PHYHIPL: variants seen among roughly 807,000 people sequenced by gnomAD.
The protein encoded by PHYHIPL is phytanoyl-CoA 2-hydroxylase interacting protein like.
In PHYHIPL, 9 loss-of-function variants were observed where a neutral mutation model predicts 33.4. The ratio of observed to expected loss-of-function variants is 0.27; its 90% confidence interval spans 0.16 to 0.47. PHYHIPL has a LOEUF of 0.47. Ranked by LOEUF, PHYHIPL falls within the 20% of genes least tolerant of loss-of-function variation. The pLI is 0.99. For synonymous variants in PHYHIPL, 153 were observed against 154.1 expected (o/e 0.99, Z 0.05); for missense variants, 365 against 460.7 (o/e 0.79, Z 1.90).
intron 1 of PHYHIPL, among the ~76,000 whole-genome samples, chr10:59,215,717 T>C (rs780035775): frequency 8.6e-5 from 13 of 151,886 alleles, no homozygotes; most frequent in Non-Finnish European, 1.5e-4. Context: ...CTAAAATATG[T>C]GAATATTCTA....
At chr10:59,219,207 A>G (rs887071162) in intron 1 of PHYHIPL, 2 of 914,056 alleles carry the variant, frequency 2.2e-6, no homozygotes, top group Non-Finnish European at 2.6e-6. Context: ...ATTCATAAAA[A>G]TAAGAAAGTG....
At chr10:59,218,654 A>G (rs1171790765) in intron 1 of PHYHIPL, among the ~76,000 whole-genome samples, 1 of 152,128 alleles carries the variant, frequency 6.6e-6, no homozygotes, top group Non-Finnish European at 1.5e-5. Flanking sequence ...CTGGATTCAT[A>G]TATTCATTTA....
In PHYHIPL at chr10:59,245,757, G is replaced by T; in HGVS notation, c.*166G>T. ...AAATTTCATTCAGAACCATTTTAGT[G>T]TTTTCCTATTCCCTACCCCTCCCAC... On this transcript the variant is annotated 3_prime_UTR_variant, in exon 5 of 5. Transcript: ENST00000373880. 1.4e-6 allele frequency: 1 copy of T among 704,320 alleles called. No homozygotes were observed. Among genetic ancestry groups the T allele is most frequent in the Non-Finnish European group, 2.3e-6 (1 of 444,238 alleles). The allele number at this position is 704,320 out of a possible 1,614,324, so 43.6% of individuals were successfully genotyped here.
intron 1 of PHYHIPL, among the ~76,000 whole-genome samples, chr10:59,200,289 G>A (rs1356621388): frequency 2.6e-5 from 4 of 152,054 alleles, no homozygotes; most frequent in South Asian, 4.1e-4. Flanking sequence ...TTTGTCAAAG[G>A]CCTTTTCTGC....
chr10:59,226,863 A>C (rs921151016), intron 1 of PHYHIPL, among the ~76,000 whole-genome samples: 1 of 152,186 alleles, frequency 6.6e-6, no homozygotes, highest in African/African-American at 2.4e-5. Flanking sequence ...TACCGTCCAT[A>C]TAGTGAAAGA....
chr10:59,236,269 A>G (rs1362060352), intron 2 of PHYHIPL, among the ~76,000 whole-genome samples: 1 of 151,870 alleles, frequency 6.6e-6, no homozygotes, highest in Admixed American at 6.6e-5. Flanking sequence ...CAGGAACTTA[A>G]TAAGTTATTC....
Position 59,247,562 on chromosome 10 carries a change from ATAAACT to A in PHYHIPL, c.*1973_*1978del. 1.6e-5 allele frequency: 25 copies of A among 1,609,788 alleles called. No individual in the cohort carries two copies. The highest frequency in any genetic ancestry group is 2.1e-5 in the Non-Finnish European group (25 of 1,178,246). On this transcript the variant is annotated 3_prime_UTR_variant, in exon 5 of 5. Transcript: ENST00000373880. ...TACTTAGCAAGGATGGCAGAGGAAAATAAACTTTACTTTATATCATGGGTGAAAGTG... is the reference window on the plus strand; with the variant it reads ...TACTTAGCAAGGATGGCAGAGGAAAATTACTTTATATCATGGGTGAAAGTG...
chr10:59,185,585 T>G (rs2133187978), intron 1 of PHYHIPL, among the ~76,000 whole-genome samples: 1 of 152,286 alleles, frequency 6.6e-6, no homozygotes, highest in Middle Eastern at 3.4e-3. Context: ...CCAGCAACAG[T>G]GTAAAAGTGT....
chr10:59,223,752 C>T (rs1022859071), intron 1 of PHYHIPL, among the ~76,000 whole-genome samples: 2 of 152,130 alleles, frequency 1.3e-5, no homozygotes, highest in Admixed American at 6.5e-5. Context: ...TTGACCTCCC[C>T]CGGGTCAGGT....
Position 59,246,380 on chromosome 10 carries a change from G to C in PHYHIPL, c.*789G>C, listed in dbSNP as rs1840711144. Reference sequence around the variant, plus strand: ...TTATAAAATATTAGGTAAATACAGAGAAAACAATAAGCCTCTGAAATAAGT... The same window carrying C: ...TTATAAAATATTAGGTAAATACAGACAAAACAATAAGCCTCTGAAATAAGT... On this transcript the variant is annotated 3_prime_UTR_variant, in exon 5 of 5. Coordinates refer to ENST00000373880, the MANE Select transcript of PHYHIPL (RefSeq NM_032439.4). 1 of 296,124 alleles carries C rather than the reference G, an allele frequency of 3.4e-6. No homozygotes were observed. Among genetic ancestry groups the C allele is most frequent in the Admixed American group, 5.0e-5 (1 of 19,804 alleles). 18.3% of individuals were successfully genotyped at this position (296,124 alleles called of 1,614,324 possible).
At chr10:59,191,008 G>C (rs1483932754) in intron 1 of PHYHIPL, among the ~76,000 whole-genome samples, 1 of 151,744 alleles carries the variant, frequency 6.6e-6, no homozygotes, top group African/African-American at 2.4e-5. Flanking sequence ...ACTTTTACAG[G>C]AGCTACCATT....
chr10:59,204,910 G>A (rs960318990), intron 1 of PHYHIPL, among the ~76,000 whole-genome samples: 7 of 147,636 alleles, frequency 4.7e-5, no homozygotes, highest in African/African-American at 1.8e-4. Flanking sequence ...TATTGCTCTG[G>A]CTGGAGTGCA....
At chr10:59,192,666 T>G (rs987342911) in intron 1 of PHYHIPL, among the ~76,000 whole-genome samples, 1 of 152,092 alleles carries the variant, frequency 6.6e-6, no homozygotes, top group African/African-American at 2.4e-5. Context: ...ACAAGATAGA[T>G]AAAAATTAGG....
chr10:59,195,408 GTTAGGT>G (rs1838885837), intron 1 of PHYHIPL, among the ~76,000 whole-genome samples: 1 of 152,164 alleles, frequency 6.6e-6, no homozygotes, highest in Non-Finnish European at 1.5e-5. Context: ...ATTTTTTAAT[GTTAGGT>G]TTGATGAAGA....
chr10:59,234,587 T>A (rs1840170029), intron 2 of PHYHIPL, 87 bp downstream of exon 2: 2 of 901,648 alleles, frequency 2.2e-6, no homozygotes, highest in Non-Finnish European at 3.2e-6. Flanking sequence ...AATATTCTAT[T>A]AATGGCTTAT....
chr10:59,245,715 A>G lies in PHYHIPL; in HGVS notation c.*124A>G. 1 of 1,066,336 alleles carries G rather than the reference A, an allele frequency of 9.4e-7. No individual in the cohort carries two copies. The highest frequency in any genetic ancestry group is 1.3e-6 in the Non-Finnish European group (1 of 752,512). 66.1% of individuals were successfully genotyped at this position (1,066,336 alleles called of 1,614,324 possible). On this transcript the variant is annotated 3_prime_UTR_variant, in exon 5 of 5. Coordinates refer to ENST00000373880, the MANE Select transcript of PHYHIPL (RefSeq NM_032439.4). ...TGCACATGCCACTGTCACCAAAACA[A>G]ACAACTACCACTTTCCAAATTTCAT...
At chr10:59,236,831 T>C (rs1405690531) in intron 3 of PHYHIPL, among the ~76,000 whole-genome samples, 174 bp downstream of exon 3, 2 of 151,970 alleles carry the variant, frequency 1.3e-5, no homozygotes, top group Non-Finnish European at 2.9e-5. Context: ...TGGAGGAAGC[T>C]GAAGTTCTCA....
At chr10:59,176,544 GC>G (rs1423237390), upstream of PHYHIPL, 6 of 49,206 alleles carry the variant, frequency 1.2e-4, no homozygotes, top group East Asian at 1.4e-3. Context: ...GCGCGTGCGC[GC>G]GTCGAAGCCC....
intron 1 of PHYHIPL, among the ~76,000 whole-genome samples, chr10:59,201,515 TGAG>T (rs1030356396): frequency 6.6e-6 from 1 of 152,194 alleles, no homozygotes; most frequent in African/African-American, 2.4e-5. Context: ...GATGTGGTGC[TGAG>T]AAGAATGTAT....
Sources: gnomAD v4.1 joint callset for allele counts (sites outside exome capture counted in the v4.1 genomes callset) on GRCh38, gnomAD v4.1.1 for gene constraint, MANE v1.5 for transcripts, NCBI Gene and HGNC (gene_info 2026-07-23, HGNC 2026-07-21) for gene names.